TARM1: variants seen among roughly 807,000 people sequenced by gnomAD.
TARM1 encodes T-cell-interacting, activating receptor on myeloid cells protein 1.
TARM1 carries 24 observed loss-of-function variants against 30.4 expected under a neutral mutation model. That is an observed-to-expected ratio of 0.79 (90% CI 0.57 to 1.11). The LOEUF (loss-of-function observed/expected upper bound fraction) is 1.11. Ranked by LOEUF, TARM1 falls within the 50% of genes least tolerant of loss-of-function variation. The pLI is 0.00. For synonymous variants in TARM1, 129 were observed against 138.9 expected (o/e 0.93, Z 0.50); for missense variants, 323 against 332.8 (o/e 0.97, Z 0.23).
At chr19:54,077,923 T>A (rs1023740086) in intron 1 of TARM1, among the ~76,000 whole-genome samples, 1 of 151,914 alleles carries the variant, frequency 6.6e-6, no homozygotes, top group Non-Finnish European at 1.5e-5. Flanking sequence ...CAAGTGATTC[T>A]CCTGCCTCAG....
rs1008215501 is a variant in TARM1 at position 54,075,875 on chromosome 19, A to G, written c.70+8T>C. On this transcript the variant is annotated splice_region_variant and intron_variant, in intron 2 of 4. Transcript: ENST00000432826. ...GGCCAAGGAGGGTGTAGTTGAAGAA[A>G]CACTCACCATCTCCCCTTGTGTCTC... 3.9e-6 allele frequency: 6 copies of G among 1,551,138 alleles called. No individual in the cohort carries two copies. Among genetic ancestry groups the G allele is most frequent in the Non-Finnish European group, 5.2e-6 (6 of 1,146,926 alleles).
chr19:54,080,552 AAAAG>A (rs1213804466), intron 1 of TARM1, among the ~76,000 whole-genome samples: 43 of 145,220 alleles, frequency 3.0e-4, no homozygotes, highest in South Asian at 9.0e-4. Flanking sequence ...GGGAAGGAGA[AAAAG>A]AAAGAAAGGA....
intron 4 of TARM1, among the ~76,000 whole-genome samples, chr19:54,072,177 A>G (rs587642918): frequency 6.6e-6 from 1 of 152,250 alleles, no homozygotes; most frequent in African/African-American, 2.4e-5. Context: ...CAACAGAGCA[A>G]GACTCCGTCT....
intron 3 of TARM1, 125 bp downstream of exon 3, chr19:54,074,699 G>T: frequency 9.5e-7 from 1 of 1,054,964 alleles, no homozygotes; most frequent in Non-Finnish European, 1.3e-6. Context: ...TTTCGTTCCT[G>T]TCTCTCTCCC....
At chr19:54,079,044 C>T (rs1454807103) in intron 1 of TARM1, among the ~76,000 whole-genome samples, 1 of 143,562 alleles carries the variant, frequency 7.0e-6, no homozygotes, top group African/African-American at 2.6e-5. Flanking sequence ...ATCACAAAGT[C>T]AGGAGATCGA....
chr19:54,073,003 C>G lies in TARM1; in HGVS notation c.658+917G>C, dbSNP rs145324543. Among the ~76,000 whole-genome samples the G allele has an allele frequency of 2.1e-4, 32 of 151,852 alleles. No homozygotes were observed. The East Asian group carries it at 5.8e-3, about 28-fold the overall frequency. ...AAAAACAAAATGAAACAAAACAAAA[C>G]AAAAAACCAAAACGCTAAGAGATGC... On this transcript the variant is annotated intron_variant, in intron 4 of 4. Transcript: ENST00000432826.
chr19:54,075,301 C>T (rs2071921767), intron 2 of TARM1, among the ~76,000 whole-genome samples, 187 bp from the exon 3 acceptor site: 1 of 151,866 alleles, frequency 6.6e-6, no homozygotes, highest in South Asian at 2.1e-4. Context: ...AATTCTCCTG[C>T]CTCAGCCTCC....
intron 4 of TARM1, among the ~76,000 whole-genome samples, chr19:54,070,408 G>A (rs1221974316): frequency 6.6e-6 from 1 of 151,798 alleles, no homozygotes; most frequent in African/African-American, 2.4e-5. Flanking sequence ...TTACAGGCAT[G>A]TGCCACCATG....
rs1252910305 is a variant in TARM1 at position 54,080,512 on chromosome 19, A to G, written c.34+795T>C. Among the ~76,000 whole-genome samples the G allele has an allele frequency of 6.6e-3, 831 of 126,688 alleles. 1 individual carries two copies. Among genetic ancestry groups the G allele is most frequent in the Middle Eastern group, 0.013 (3 of 238 alleles). The allele number at this position is 126,688 out of a possible 152,430, so 83.1% of individuals were successfully genotyped here. Reference sequence around the variant, plus strand: ...GAAGGAAGGGAGGAAGGAAGGAAGGAAGGAAGGAAGGAAGGAAGGAAGGAA... The same window carrying G: ...GAAGGAAGGGAGGAAGGAAGGAAGGGAGGAAGGAAGGAAGGAAGGAAGGAA... On this transcript the variant is annotated intron_variant, in intron 1 of 4. Coordinates refer to ENST00000432826, the MANE Select transcript of TARM1 (RefSeq NM_001135686.3).
At chr19:54,080,073 AT>A (rs2146227140) in intron 1 of TARM1, among the ~76,000 whole-genome samples, 1 of 135,246 alleles carries the variant, frequency 7.4e-6, no homozygotes, top group Non-Finnish European at 1.6e-5. Flanking sequence ...GAAGGAAGGA[AT>A]GAAGGAGAAA....
chr19:54,076,652 G>C (rs2146217286), intron 1 of TARM1: 1 of 157,342 alleles, frequency 6.4e-6, no homozygotes, highest in Admixed American at 6.5e-5. Flanking sequence ...CATGAGCTTT[G>C]TGCCCAGCTT....
At chr19:54,073,297 T>C (rs887570052) in intron 4 of TARM1, among the ~76,000 whole-genome samples, 3 of 147,472 alleles carry the variant, frequency 2.0e-5, no homozygotes, top group Non-Finnish European at 4.5e-5. Context: ...TAATCCTAGC[T>C]ACCTGGGAGG....
Position 54,078,760 on chromosome 19 carries a change from C to T in TARM1, c.34+2547G>A, listed in dbSNP as rs1435249194. Among the ~76,000 whole-genome samples, 3 of 147,496 alleles carry T rather than the reference C, an allele frequency of 2.0e-5. 1 individual carries two copies. The highest frequency in any genetic ancestry group is 4.5e-5 in the Non-Finnish European group (3 of 66,990). ...TCAAGCGATCTGCCTGCCTCAGACT[C>T]TCAAAGTGCTGGGATTACAGGTGTG... is the stretch of plus-strand genomic sequence containing the variant. On this transcript the variant is annotated intron_variant, in intron 1 of 4. Coordinates refer to ENST00000432826, the MANE Select transcript of TARM1 (RefSeq NM_001135686.3).
intron 4 of TARM1, among the ~76,000 whole-genome samples, chr19:54,070,549 C>T (rs527510578): frequency 5.3e-5 from 8 of 151,860 alleles, no homozygotes; most frequent in Admixed American, 2.0e-4. Context: ...TGTGAGCCAC[C>T]GCGCCCGGCC....
intron 4 of TARM1, among the ~76,000 whole-genome samples, chr19:54,071,159 T>C (rs1271730358): frequency 6.6e-6 from 1 of 152,072 alleles, no homozygotes; most frequent in Non-Finnish European, 1.5e-5. Context: ...GTTTTCGCCA[T>C]GTTGGCCAAA....
intron 4 of TARM1, among the ~76,000 whole-genome samples, chr19:54,071,722 A>AG (rs1266454152): frequency 1.3e-5 from 2 of 152,062 alleles, no homozygotes; most frequent in Non-Finnish European, 2.9e-5. Flanking sequence ...CAGGAGGCTG[A>AG]GGCAGGAGAA....
intron 4 of TARM1, 37 bp from the exon 5 acceptor site, chr19:54,070,197 G>A (rs574414803): frequency 6.8e-5 from 104 of 1,540,280 alleles, no homozygotes; most frequent in South Asian, 1.2e-4. Context: ...GACCCTCAGA[G>A]GGTATCCCTC....
intron 1 of TARM1, among the ~76,000 whole-genome samples, chr19:54,078,868 C>T (rs1007795712): frequency 6.6e-6 from 1 of 151,908 alleles, no homozygotes; most frequent in Admixed American, 6.6e-5. Flanking sequence ...AGATGTAGCT[C>T]GAGGATATTA....
intron 1 of TARM1, 110 bp downstream of exon 1, chr19:54,081,197 C>G: frequency 9.7e-7 from 1 of 1,027,164 alleles, no homozygotes; most frequent in Non-Finnish European, 1.5e-6. Flanking sequence ...CTCACTCCTC[C>G]CGTGTGCTCA....
Sources: gnomAD v4.1 joint callset for allele counts (sites outside exome capture counted in the v4.1 genomes callset) on GRCh38, gnomAD v4.1.1 for gene constraint, MANE v1.5 for transcripts, NCBI Gene and HGNC (gene_info 2026-07-23, HGNC 2026-07-21) for gene names.